DDX41: variants seen among roughly 807,000 people sequenced by gnomAD.
DDX41 encodes probable ATP-dependent RNA helicase DDX41.
DDX41 carries 50 observed loss-of-function variants against 78.8 expected under a neutral mutation model. The observed-to-expected ratio is 0.63, with a 90% CI of 0.51 to 0.80. DDX41 has a LOEUF of 0.80. DDX41 is among the 30% of genes least tolerant of loss of function. The pLI, the probability that DDX41 is intolerant of heterozygous loss-of-function variation, is 0.00. For synonymous variants in DDX41, 381 were observed against 321.5 expected (o/e 1.19, Z -1.98); for missense variants, 633 against 849.2 (o/e 0.75, Z 3.16).
Position 177,512,858 on chromosome 5 carries a change from T to C in DDX41, c.1321A>G (p.Lys441Glu), listed in dbSNP as rs763081149. Residue 441 changes from lysine (K) to glutamate (E), a missense_variant, in exon 13 of 17, where the codon AAG (lysine) becomes GAG (glutamate). Transcript: ENST00000330503. ...TPPPVLIFAE[K>E]KADVDAIHEY... The stretch of plus-strand genomic sequence containing the variant: ...TGGATGGCGTCCACGTCTGCCTTCT[T>C]CTCTGCAAAGATGAGTACCTGTCCG... 5.6e-6 allele frequency: 9 copies of C among 1,613,974 alleles called. No homozygotes were observed. Among genetic ancestry groups the C allele is most frequent in the Non-Finnish European group, 7.6e-6 (9 of 1,179,992 alleles).
At chr5:177,516,893 C>G in intron 1 of DDX41, 26 bp downstream of exon 1, 2 of 1,613,342 alleles carry the variant, frequency 1.2e-6, no homozygotes, top group Middle Eastern at 1.6e-4. Context: ...CGCTCCCACA[C>G]GCGCGGGGTC....
Position 177,513,661 on chromosome 5 carries a change from G to A in DDX41, c.1098+24C>T. ...CGTGCAGTGGGGGGCGGTGCAGGGT[G>A]CCCTGGCCGGGCGGGGGCGGCACCT... On this transcript the variant is annotated intron_variant, in intron 10 of 16. Coordinates refer to ENST00000330503, the MANE Select transcript of DDX41 (RefSeq NM_016222.4). The surrounding 1 kb of genome is among the most constrained non-coding windows in gnomAD (Gnocchi z 4.6). The A allele has an allele frequency of 1.9e-6, 3 of 1,612,592 alleles. No individual in the cohort carries two copies. The highest frequency in any genetic ancestry group is 2.5e-6 in the Non-Finnish European group (3 of 1,179,696).
rs761554365 is a variant in DDX41 at position 177,516,907 on chromosome 5, C to T, written c.27+12G>A. 1.9e-6 allele frequency: 3 copies of T among 1,613,338 alleles called. No homozygotes were observed. In the South Asian group the frequency reaches 3.3e-5, roughly 18 times the overall value. On this transcript the variant is annotated intron_variant, in intron 1 of 16. Coordinates refer to ENST00000330503, the MANE Select transcript of DDX41 (RefSeq NM_016222.4). ...CCGCTCCCACACGCGCGGGGTCTCGCCTCTCTCCTACCTTCCGTTCGGGTT... is the reference window on the plus strand; with the variant it reads ...CCGCTCCCACACGCGCGGGGTCTCGTCTCTCTCCTACCTTCCGTTCGGGTT...
At position 177,514,203 on chromosome 5, in the gene DDX41, G is replaced by A. The variant is rs1424407110; in HGVS notation, c.936-356C>T. 5 of 503,490 alleles carry A rather than the reference G, an allele frequency of 9.9e-6. No individual in the cohort carries two copies. The highest frequency in any genetic ancestry group is 2.9e-4 in the Middle Eastern group (1 of 3,424). The allele number at this position is 503,490 out of a possible 1,614,324, so 31.2% of individuals were successfully genotyped here. On this transcript the variant is annotated intron_variant, in intron 9 of 16. Transcript: ENST00000330503. The surrounding 1 kb of genome is among the most constrained non-coding windows in gnomAD (Gnocchi z 4.2). ...CCCTAATACTCAGAAGTCCGTGGAGGAAGGCCTCCGGGATGGGGTCTGGCC... is the reference window on the plus strand; with the variant it reads ...CCCTAATACTCAGAAGTCCGTGGAGAAAGGCCTCCGGGATGGGGTCTGGCC...
chr5:177,513,535 G>C lies in DDX41; in HGVS notation c.1099-51C>G. 1 of 1,613,390 alleles carries C rather than the reference G, an allele frequency of 6.2e-7. No individual in the cohort carries two copies. Among genetic ancestry groups the C allele is most frequent in the Non-Finnish European group, 8.5e-7 (1 of 1,179,646 alleles). ...AGGGCACACAGGGCTGGGCTGAGGG[G>C]CATGGGGTCTGGGGAAGCTGAGCAA... is the stretch of plus-strand genomic sequence containing the variant. On this transcript the variant is annotated intron_variant, in intron 10 of 16. Coordinates refer to ENST00000330503, the MANE Select transcript of DDX41 (RefSeq NM_016222.4). The surrounding 1 kb of genome is among the most constrained non-coding windows in gnomAD (Gnocchi z 4.6).
In DDX41 at chr5:177,515,596, A is replaced by G. The variant is rs549291297; in HGVS notation, c.571+89T>C. The G allele has an allele frequency of 4.8e-5, 72 of 1,506,112 alleles. No individual in the cohort carries two copies. In the African/African-American group the frequency reaches 9.4e-4, roughly 20 times the overall value. The allele number at this position is 1,506,112 out of a possible 1,614,324, so 93.3% of individuals were successfully genotyped here. The stretch of plus-strand genomic sequence containing the variant: ...CAGCCCCAGTGACTGGATCCAATGC[A>G]GATGTGGCTGAGCTCAGTGGGAGCC... On this transcript the variant is annotated intron_variant, in intron 6 of 16. Coordinates refer to ENST00000330503, the MANE Select transcript of DDX41 (RefSeq NM_016222.4).
rs1361759347 is a variant in DDX41 at position 177,512,047 on chromosome 5, T to A, written c.1732+49A>T. On this transcript the variant is annotated intron_variant, in intron 16 of 16. Transcript: ENST00000330503. ...TCACGTTTCTGACTTCCAGCACCCC[T>A]CCTTGCCACCTGCCGGCTGGGGACT... is the stretch of plus-strand genomic sequence containing the variant. 2.5e-6 allele frequency: 4 copies of A among 1,608,338 alleles called. No individual in the cohort carries two copies. The Admixed American group carries it at 5.0e-5, about 20-fold the overall frequency.
Position 177,514,756 on chromosome 5 carries a change from A to C in DDX41, c.880T>G (p.Cys294Gly). The C allele has an allele frequency of 6.2e-7, 1 of 1,612,804 alleles. No homozygotes were observed. The highest frequency in any genetic ancestry group is 1.1e-5 in the South Asian group (1 of 91,088). ...LQEDSSPLLRCALCIGGMSVK... is the reference protein window; with the variant it reads ...LQEDSSPLLRGALCIGGMSVK... ...GACATGCCCCCAATGCAGAGGGCGC[A>C]GCGCAGGAGTGGTGAGCTGTCCTCC... is the stretch of plus-strand genomic sequence containing the variant. Residue 294 changes from cysteine to glycine, a missense_variant, in exon 9 of 17, where the codon TGC becomes GGC. Cys to Gly is a radical substitution (Grantham distance 159). Coordinates refer to ENST00000330503, the MANE Select transcript of DDX41 (RefSeq NM_016222.4). The surrounding 1 kb of genome is among the most constrained non-coding windows in gnomAD (Gnocchi z 4.2).
At position 177,516,135 on chromosome 5, in the gene DDX41, A is replaced by G. The variant is rs753086825; in HGVS notation, c.357T>C (p.Ser119=). 4.3e-6 allele frequency: 7 copies of G among 1,613,768 alleles called. No homozygotes were observed. Among genetic ancestry groups the G allele is most frequent in the Non-Finnish European group, 5.9e-6 (7 of 1,179,950 alleles). Residue 119 remains serine (S), a synonymous_variant, in exon 4 of 17, where the codon AGT becomes AGC. Transcript: ENST00000330503. The part of the protein sequence containing the change: ...QLKEEEKILE[S]VAEGRALMSV... Reference sequence around the variant, plus strand: ...CAACCATACCTCGGCCCTCGGCAACACTCTCCAGGATCTTCTCTTCTTCCT... The same window carrying G: ...CAACCATACCTCGGCCCTCGGCAACGCTCTCCAGGATCTTCTCTTCTTCCT...
At chr5:177,512,461 G>A (rs144448740) in intron 14 of DDX41, 35 bp downstream of exon 14, 34 of 1,613,930 alleles carry the variant, frequency 2.1e-5, no homozygotes, top group Admixed American at 1.8e-4. Context: ...GCCCTTTTCC[G>A]GCCTAACCCA....
rs561529576 is a variant in DDX41 at position 177,515,409 on chromosome 5, AAG to A, written c.572-153_572-152del. ...GAGAGTGGAAAAAAAAAAAGAAAAA[AAG>A]AGACTTGTCCAAGGCCCACAGGCTA... On this transcript the variant is annotated intron_variant, in intron 6 of 16. Coordinates refer to ENST00000330503, the MANE Select transcript of DDX41 (RefSeq NM_016222.4). 2.2e-4 allele frequency: 221 copies of A among 982,586 alleles called. No individual in the cohort carries two copies. The African/African-American group carries it at 3.2e-3, about 14-fold the overall frequency. The allele number at this position is 982,586 out of a possible 1,614,324, so 60.9% of individuals were successfully genotyped here.
Position 177,516,428 on chromosome 5 carries a change from C to T in DDX41, c.158G>A (p.Arg53Gln). 1 of 1,613,782 alleles carries T rather than the reference C, an allele frequency of 6.2e-7. No homozygotes were observed. Among genetic ancestry groups the T allele is most frequent in the Non-Finnish European group, 8.5e-7 (1 of 1,180,042 alleles). ...TTCCTCCGCAGCTCCCTTGCGTCTTCGCTGCAGCAGCTTCTGGAGCTGAGG... is the reference window on the plus strand; with the variant it reads ...TTCCTCCGCAGCTCCCTTGCGTCTTTGCTGCAGCAGCTTCTGGAGCTGAGG... The part of the protein sequence containing the change: ...RQLLLQKLLQ[R>Q]RRKGAAEEEQ... Residue 53 changes from arginine to glutamine, a missense_variant, in exon 3 of 17, where the codon CGA (arginine) becomes CAA (glutamine). By Grantham distance (43) the Arg-to-Gln change is conservative (BLOSUM62 1). Coordinates refer to ENST00000330503, the MANE Select transcript of DDX41 (RefSeq NM_016222.4).
chr5:177,513,047 C>T lies in DDX41; in HGVS notation c.1266G>A (p.Val422=), dbSNP rs1352021642. ...VEYVKEEAKM[V]YLLECLQKTP... The stretch of plus-strand genomic sequence containing the variant: ...TCTTCTGCAGGCACTCGAGCAGGTA[C>T]ACCATCTTGGCCTCCTCCTTCACAT... Residue 422 remains valine, a synonymous_variant, in exon 12 of 17, where the codon GTG becomes GTA. Coordinates refer to ENST00000330503, the MANE Select transcript of DDX41 (RefSeq NM_016222.4). This position sits in a 1 kb window ranked among gnomAD's most constrained non-coding sequence, Gnocchi z 4.6. 2.5e-6 allele frequency: 4 copies of T among 1,613,848 alleles called. No homozygotes were observed. The highest frequency in any genetic ancestry group is 2.7e-5 in the African/African-American group (2 of 74,936).
In DDX41 at chr5:177,513,002, T is replaced by C; in HGVS notation, c.1302+9A>G. ...GACTCTGGCCCCGGCCTGGCCTGGC[T>C]GCACTCACAGGCGGGGGTGTCTTCT... is the stretch of plus-strand genomic sequence containing the variant. On this transcript the variant is annotated intron_variant, in intron 12 of 16. Transcript: ENST00000330503. The surrounding 1 kb of genome is among the most constrained non-coding windows in gnomAD (Gnocchi z 4.6). 6.2e-7 allele frequency: 1 copy of C among 1,613,748 alleles called. No individual in the cohort carries two copies. The highest frequency in any genetic ancestry group is 8.5e-7 in the Non-Finnish European group (1 of 1,179,834).
chr5:177,516,656 C>G, intron 2 of DDX41, 69 bp downstream of exon 2: 1 of 1,500,116 alleles, frequency 6.7e-7, no homozygotes, highest in African/African-American at 1.4e-5. Context: ...CCACGGAGGC[C>G]GAGGCCACGC....
chr5:177,511,883 T>G lies in DDX41; in HGVS notation c.1777A>C (p.Thr593Pro). The G allele has an allele frequency of 6.2e-7, 1 of 1,614,098 alleles. No individual in the cohort carries two copies. The highest frequency in any genetic ancestry group is 8.5e-7 in the Non-Finnish European group (1 of 1,180,028). The change falls in exon 17 of 17, where the codon ACT becomes CCT. Residue 593 changes from threonine (T) to proline (P), a missense_variant. Coordinates refer to ENST00000330503, the MANE Select transcript of DDX41 (RefSeq NM_016222.4). ...ATAGCCTCGAGTTTGGGGCAGTCAG[T>G]GATCCGATGACCCAGGCCCCCGCAG... ...AFCGGLGHRI[T>P]DCPKLEAMQT...
intron 7 of DDX41, 36 bp downstream of exon 7, chr5:177,515,150 C>T (rs1761164879): frequency 6.2e-7 from 1 of 1,613,838 alleles, no homozygotes. Flanking sequence ...TGTTCCAGCC[C>T]TCCTCAAGGA....
At chr5:177,515,391 G>C (rs1209707509) in intron 6 of DDX41, 133 bp from the exon 7 acceptor site, 1 of 540,500 alleles carries the variant, frequency 1.9e-6, no homozygotes, top group Non-Finnish European at 2.8e-6. Context: ...AGAGAGAGTG[G>C]AAAAAAAAAA....
At chr5:177,515,386 G>T (rs1238071500) in intron 6 of DDX41, 128 bp from the exon 7 acceptor site, 1 of 1,003,156 alleles carries the variant, frequency 1.0e-6, no homozygotes, top group Non-Finnish European at 1.5e-6. Flanking sequence ...GAGAGAGAGA[G>T]AGTGGAAAAA....
Sources: allele counts gnomAD v4.1 joint callset, GRCh38; gene constraint gnomAD v4.1.1; non-coding constraint Gnocchi (gnomAD v3.1); transcripts MANE v1.5; gene names NCBI Gene and HGNC (gene_info 2026-07-23, HGNC 2026-07-21).